NFYB: variants seen among roughly 807,000 people sequenced by gnomAD.
NFYB encodes the protein CAAT box DNA-binding protein subunit B.
A neutral mutation model predicts 28.0 loss-of-function variants in NFYB; 13 were observed. The observed-to-expected ratio is 0.46, with a 90% confidence interval of 0.30 to 0.74. NFYB has a LOEUF of 0.74. NFYB is among the 30% of genes least tolerant of loss of function. The pLI is 0.07. For synonymous variants in NFYB, 74 were observed against 75.0 expected, an observed-to-expected ratio of 0.99 and a Z score of 0.07; for missense variants, 142 against 247.6, an observed-to-expected ratio of 0.57 and a Z score of 2.86.
chr12:104,125,487 CAAAAA>C, intron 4 of NFYB: 2 of 103,692 alleles, frequency 1.9e-5, no homozygotes, highest in Non-Finnish European at 4.0e-5. Context: ...AACTCCGTCT[CAAAAA>C]AAAAAAAAAA....
intron 2 of NFYB, among the ~76,000 whole-genome samples, chr12:104,133,763 C>T (rs946192389): frequency 1.3e-5 from 2 of 152,088 alleles, no homozygotes; most frequent in African/African-American, 4.8e-5. Flanking sequence ...AGAAATAATA[C>T]AAAGATTCCT....
chr12:104,120,326 A>AT, intron 7 of NFYB, 74 bp downstream of exon 7: 1 of 1,275,918 alleles, frequency 7.8e-7, no homozygotes, highest in Non-Finnish European at 1.1e-6. Flanking sequence ...AGGTGCTGGG[A>AT]TTACAGGCAT....
At chr12:104,120,344 G>A in intron 7 of NFYB, 56 bp downstream of exon 7, 2 of 1,444,674 alleles carry the variant, frequency 1.4e-6, no homozygotes, top group Non-Finnish European at 1.9e-6. Flanking sequence ...CATGAGCCAT[G>A]GGGCCCTGTC....
chr12:104,120,360 A>C (rs952862425), intron 7 of NFYB, 40 bp downstream of exon 7: 1 of 1,552,268 alleles, frequency 6.4e-7, no homozygotes, highest in Non-Finnish European at 8.9e-7. Context: ...CTGTCGATAC[A>C]ATCAAATTTT....
At chr12:104,128,201 G>T (rs1286613181) in intron 3 of NFYB, among the ~76,000 whole-genome samples, 1 of 152,144 alleles carries the variant, frequency 6.6e-6, no homozygotes, top group East Asian at 1.9e-4. Context: ...TTTAGACAAG[G>T]TGTATTTTTA....
intron 5 of NFYB, among the ~76,000 whole-genome samples, chr12:104,122,802 T>A (rs2030530619): frequency 6.6e-6 from 1 of 152,216 alleles, no homozygotes; most frequent in Admixed American, 6.5e-5. Flanking sequence ...AAATGTTACA[T>A]AATTTACTAC....
At position 104,128,409 on chromosome 12, in the gene NFYB, T is replaced by C. The variant is rs145973669; in HGVS notation, c.100+15A>G. ...CTTCAACTTGAGAATTTGGTTCTAA[T>C]TGTGGCTTGCTTACCATCATGAGGC... On this transcript the variant is annotated intron_variant, in intron 3 of 7. Transcript: ENST00000240055. The C allele has an allele frequency of 5.9e-3, 9,365 of 1,582,936 alleles. 337 individuals carry two copies. In the South Asian group the frequency reaches 0.072, roughly 12 times the overall value.
chr12:104,119,561 GAA>G lies in NFYB; in HGVS notation c.*174_*175del. 1 of 489,640 alleles carries G rather than the reference GAA, an allele frequency of 2.0e-6. No individual in the cohort carries two copies. The highest frequency in any genetic ancestry group is 3.6e-6 in the Non-Finnish European group (1 of 276,012). 30.3% of individuals were successfully genotyped at this position (489,640 alleles called of 1,614,324 possible). ...CAAATTTTTCTTTAAAATCATTCAT[GAA>G]AAAGATTCTCAAGTCAGAATTAACA... On this transcript the variant is annotated 3_prime_UTR_variant, in exon 8 of 8. Coordinates refer to ENST00000240055, the MANE Select transcript of NFYB (RefSeq NM_006166.4).
chr12:104,125,167 T>G (rs2030636624), intron 4 of NFYB: 1 of 152,128 alleles, frequency 6.6e-6, no homozygotes, highest in Non-Finnish European at 1.5e-5. Context: ...TTTTGGAAAA[T>G]TCTTATTACA....
At chr12:104,119,896 T>C (rs1471839760) in intron 7 of NFYB, 127 bp from the exon 8 acceptor site, 1 of 634,998 alleles carries the variant, frequency 1.6e-6, no homozygotes, top group Non-Finnish European at 2.8e-6. Context: ...TTGTGTATCT[T>C]TCTAGAAATC....
intron 7 of NFYB, 55 bp from the exon 8 acceptor site, chr12:104,119,824 CCATATG>C (rs2030397277): frequency 1.8e-6 from 2 of 1,097,532 alleles, no homozygotes; most frequent in East Asian, 4.8e-5. Flanking sequence ...ATTAAAAGTA[CCATATG>C]CATATTATAA....
chr12:104,135,931 C>G (rs763306346), intron 1 of NFYB, among the ~76,000 whole-genome samples: 2 of 152,156 alleles, frequency 1.3e-5, no homozygotes, highest in African/African-American at 2.4e-5. Flanking sequence ...AAACACACCC[C>G]TTATCATCTT....
At chr12:104,137,970 G>A (rs1469972653) in intron 1 of NFYB, 171 bp downstream of exon 1, 1 of 145,332 alleles carries the variant, frequency 6.9e-6, no homozygotes, top group South Asian at 2.1e-4. Context: ...CTGCGGGAGC[G>A]GCCTCGCAGG....
chr12:104,119,640 G>C lies in NFYB; in HGVS notation c.*97C>G. The C allele has an allele frequency of 2.4e-6, 2 of 826,516 alleles. No homozygotes were observed. The allele number at this position is 826,516 out of a possible 1,614,324, so 51.2% of individuals were successfully genotyped here. A position where few individuals can be genotyped will look rare whatever the true frequency, so the allele number is the denominator to read the frequency against. On this transcript the variant is annotated 3_prime_UTR_variant, in exon 8 of 8. Coordinates refer to ENST00000240055, the MANE Select transcript of NFYB (RefSeq NM_006166.4). ...TACATTACAGCTATTAATATACAAA[G>C]ATACATCTTTTCACCAGTCTTTCCT... is the stretch of plus-strand genomic sequence containing the variant.
chr12:104,126,660 T>C (rs2030727572), intron 3 of NFYB, among the ~76,000 whole-genome samples: 1 of 152,324 alleles, frequency 6.6e-6, no homozygotes, highest in East Asian at 1.9e-4. Context: ...GAATCAGCTT[T>C]GTGTTTCCTA....
intron 2 of NFYB, 31 bp downstream of exon 2, chr12:104,135,417 A>C: frequency 6.4e-7 from 1 of 1,574,788 alleles, no homozygotes; most frequent in Non-Finnish European, 8.6e-7. Flanking sequence ...TTCAAATCTA[A>C]TTAACAACCA....
At position 104,128,531 on chromosome 12, in the gene NFYB, AAC is replaced by A. The variant is rs775038442; in HGVS notation, c.7-16_7-15del. 7 of 1,596,536 alleles carry A rather than the reference AAC, an allele frequency of 4.4e-6. No individual in the cohort carries two copies. The Admixed American group carries it at 5.0e-5, about 12-fold the overall frequency. ...GTCACCATCCATCTATGAGGAGAAA[AAC>A]AGTTTTTCAATACTTTTCAAAGTAC... On this transcript the variant is annotated splice_polypyrimidine_tract_variant and intron_variant, in intron 2 of 7. Transcript: ENST00000240055.
chr12:104,128,147 T>C (rs2030789516), intron 3 of NFYB, among the ~76,000 whole-genome samples: 1 of 152,254 alleles, frequency 6.6e-6, no homozygotes, highest in African/African-American at 2.4e-5. Context: ...ATTTAACATT[T>C]AAACAGGAAG....
intron 4 of NFYB, 126 bp from the exon 5 acceptor site, chr12:104,123,549 T>A: frequency 1.4e-6 from 1 of 692,196 alleles, no homozygotes; most frequent in East Asian, 2.7e-5. Flanking sequence ...CTTAAATATA[T>A]GTTATAACAT....
Sources: allele counts gnomAD v4.1 joint callset (sites outside exome capture counted in the v4.1 genomes callset), GRCh38; gene constraint gnomAD v4.1.1; transcripts MANE v1.5; gene names NCBI Gene and HGNC (gene_info 2026-07-23, HGNC 2026-07-21).